Variants in ECD observed in about 807,000 individuals in gnomAD.
ECD encodes the protein protein ecdysoneless homolog.
ECD carries 59 observed loss-of-function variants against 77.2 expected under a neutral mutation model. That is an observed-to-expected ratio of 0.76 (90% CI 0.62 to 0.95). The LOEUF is 0.95. ECD is among the 40% of genes least tolerant of loss of function. The pLI is 0.00. For synonymous variants in ECD, 233 were observed against 267.4 expected (o/e 0.87, Z 1.26); for missense variants, 704 against 763.4 (o/e 0.92, Z 0.92).
intron 9 of ECD, among the ~76,000 whole-genome samples, chr10:73,141,025 C>T (rs6480671): frequency 0.16 from 23,929 of 151,902 alleles, 3,136 homozygotes; most frequent in African/African-American, 0.34. Context: ...TATGCTAACA[C>T]TTTAAATACA....
chr10:73,147,076 A>G (rs971485265), intron 8 of ECD, among the ~76,000 whole-genome samples: 4 of 151,744 alleles, frequency 2.6e-5, no homozygotes, highest in African/African-American at 9.7e-5. Flanking sequence ...CGACTCTACT[A>G]AAAAGAAAAA....
chr10:73,157,153 A>C (rs1383586946), intron 3 of ECD, among the ~76,000 whole-genome samples: 2 of 151,620 alleles, frequency 1.3e-5, no homozygotes, highest in Non-Finnish European at 2.9e-5. Context: ...GTTTTCAGGC[A>C]ATTATCCTGC....
chr10:73,142,599 A>T (rs1022511116), intron 9 of ECD, among the ~76,000 whole-genome samples: 2 of 143,574 alleles, frequency 1.4e-5, no homozygotes, highest in African/African-American at 5.2e-5. Flanking sequence ...GTGCCACTAC[A>T]CTCCAGCCTG....
chr10:73,154,495 C>T, intron 5 of ECD, 47 bp from the exon 6 acceptor site: 1 of 1,493,564 alleles, frequency 6.7e-7, no homozygotes. Flanking sequence ...ATATAAATAC[C>T]TATAATTCTT....
intron 7 of ECD, among the ~76,000 whole-genome samples, chr10:73,149,895 T>C (rs1047452894): frequency 2.0e-5 from 3 of 152,144 alleles, no homozygotes; most frequent in African/African-American, 7.2e-5. Flanking sequence ...TAATAAATGA[T>C]GAAAAACACT....
At position 73,134,570 on chromosome 10, in the gene ECD, C is replaced by T; in HGVS notation, c.*13G>A. On this transcript the variant is annotated 3_prime_UTR_variant, in exon 14 of 14. Transcript: ENST00000372979. ...TTTATTTAAAAAGAAAAAAGAGAAG[C>T]TAAATGTGCTGGTTAATTTTTTGTT... 1 of 1,604,576 alleles carries T rather than the reference C, an allele frequency of 6.2e-7. No homozygotes were observed. Among genetic ancestry groups the T allele is most frequent in the Non-Finnish European group, 8.5e-7 (1 of 1,172,386 alleles).
chr10:73,155,594 C>CATTTTTTTT (rs1554850746), intron 5 of ECD, among the ~76,000 whole-genome samples: 1 of 124,818 alleles, frequency 8.0e-6, no homozygotes, highest in African/African-American at 3.0e-5. Flanking sequence ...TAGGTTTCTA[C>CATTTTTTTT]TTTTTTTTTT....
At chr10:73,149,215 C>A (rs1843169107) in intron 7 of ECD, among the ~76,000 whole-genome samples, 2 of 152,146 alleles carry the variant, frequency 1.3e-5, no homozygotes, top group South Asian at 2.1e-4. Flanking sequence ...CATATATGTC[C>A]TTGTATATAG....
chr10:73,151,319 T>C lies in ECD; in HGVS notation c.912+974A>G, dbSNP rs181988420. 2.7e-3 allele frequency among the ~76,000 whole-genome samples: 380 copies of C among 138,598 alleles called. 10 individuals are homozygous for C. The highest frequency in any genetic ancestry group is 9.3e-3 in the African/African-American group (339 of 36,480). 90.9% of individuals were successfully genotyped at this position (138,598 alleles called of 152,430 possible). ...CATGTTCTCACTCATAGGTGGGGAA[T>C]TGAACAATGAGAACACACGGACACA... On this transcript the variant is annotated intron_variant, in intron 7 of 13. Coordinates refer to ENST00000372979, the MANE Select transcript of ECD (RefSeq NM_007265.3).
intron 1 of ECD, among the ~76,000 whole-genome samples, chr10:73,165,080 T>A (rs1843435617): frequency 1.3e-5 from 2 of 152,182 alleles, no homozygotes; most frequent in South Asian, 4.1e-4. Flanking sequence ...TCACTTTCTC[T>A]TTCTGGGTTT....
At chr10:73,159,684 C>T (rs1282152207) in intron 3 of ECD, among the ~76,000 whole-genome samples, 1 of 136,712 alleles carries the variant, frequency 7.3e-6, no homozygotes, top group Non-Finnish European at 1.5e-5. Flanking sequence ...ACTCTTGTTG[C>T]CCAGGCTGGA....
At chr10:73,167,827 C>T (rs1843509477) in intron 1 of ECD, 39 bp downstream of exon 1, 1 of 161,490 alleles carries the variant, frequency 6.2e-6, no homozygotes, top group African/African-American at 2.4e-5. Flanking sequence ...GTCTAGGCTC[C>T]CTCCTGCCAT....
rs751792179 is a variant in ECD, at chr10:73,160,510, C to T, written c.247G>A (p.Asp83Asn). 5 of 1,611,530 alleles carry T rather than the reference C, an allele frequency of 3.1e-6. No homozygotes were observed. In the African/African-American group the frequency reaches 5.3e-5, roughly 17 times the overall value. The part of the protein sequence containing the change: ...AHMFGVTKFG[D>N]NIEDEWFIVY... ...ATAAACCATTCATCCTCAATGTTAT[C>T]CCCAAACTTTGTCACGCCAAACATA... is the stretch of plus-strand genomic sequence containing the variant. Residue 83 changes from aspartate to asparagine, a missense_variant, in exon 3 of 14, where the codon GAT becomes AAT. Physicochemically the swap from Asp to Asn is conservative, Grantham distance 23. Transcript: ENST00000372979.
intron 2 of ECD, among the ~76,000 whole-genome samples, chr10:73,161,488 G>C (rs147971378): frequency 9.2e-5 from 14 of 152,132 alleles, no homozygotes; most frequent in African/African-American, 3.1e-4. Context: ...AACACAACCT[G>C]TCAAGACTGG....
chr10:73,139,939 C>T (rs1034440739), intron 9 of ECD, among the ~76,000 whole-genome samples: 2 of 151,150 alleles, frequency 1.3e-5, no homozygotes, highest in Non-Finnish European at 2.9e-5. Context: ...CCACTTCATC[C>T]TCCCAAGTAG....
At chr10:73,162,990 T>A (rs719309) in intron 2 of ECD, among the ~76,000 whole-genome samples, 23,967 of 152,124 alleles carry the variant, frequency 0.16, 3,151 homozygotes, top group African/African-American at 0.34. Flanking sequence ...ATTAGCTTAC[T>A]AGCAACTTAA....
intron 5 of ECD, among the ~76,000 whole-genome samples, chr10:73,155,659 C>T (rs187358424): frequency 1.2e-3 from 164 of 141,370 alleles, no homozygotes; most frequent in Admixed American, 2.5e-3. Flanking sequence ...AGTGCAGTGG[C>T]GTGATCTCAG....
chr10:73,159,632 C>T (rs1843347770), intron 3 of ECD, among the ~76,000 whole-genome samples: 2 of 142,152 alleles, frequency 1.4e-5, no homozygotes, highest in Admixed American at 1.4e-4. Flanking sequence ...AACTCTTTGA[C>T]AGTACTTTAA....
rs1314323985 is a variant in ECD at position 73,164,058 on chromosome 10, G to C, written c.-13-108C>G. ...CTGTTTTCTAAAATTTAGTTAGGCCGGGCACAGTGGTTCATGCATGTAATC... is the reference window on the plus strand; with the variant it reads ...CTGTTTTCTAAAATTTAGTTAGGCCCGGCACAGTGGTTCATGCATGTAATC... On this transcript the variant is annotated intron_variant, in intron 1 of 13. Transcript: ENST00000372979. 5.5e-6 allele frequency: 5 copies of C among 911,276 alleles called. No individual in the cohort carries two copies. In the East Asian group the frequency reaches 1.0e-4, roughly 19 times the overall value. The allele number at this position is 911,276 out of a possible 1,614,324, so 56.4% of individuals were successfully genotyped here.
Sources: gnomAD v4.1 joint callset for allele counts (sites outside exome capture counted in the v4.1 genomes callset) on GRCh38, gnomAD v4.1.1 for gene constraint, MANE v1.5 for transcripts, NCBI Gene and HGNC (gene_info 2026-07-23, HGNC 2026-07-21) for gene names.